PTPRD: variants seen among roughly 807,000 people sequenced by gnomAD.
The protein encoded by PTPRD is receptor-type tyrosine-protein phosphatase delta.
PTPRD carries 34 observed loss-of-function variants against 214.5 expected under a neutral mutation model. That is an observed-to-expected ratio of 0.16 (90% CI 0.12 to 0.21). PTPRD has a LOEUF of 0.21. Ranked by LOEUF, PTPRD falls within the 10% of genes least tolerant of loss-of-function variation. The pLI is 1.00. For missense variants in PTPRD, 2,545 were observed against 2,398.7 expected (o/e 1.06, Z -1.27); for synonymous variants, 1,128 against 845.7 (o/e 1.33, Z -5.79).
intron 7 of PTPRD, among the ~76,000 whole-genome samples, chr9:9,610,358 A>G (rs138325792): frequency 6.6e-6 from 1 of 152,334 alleles, no homozygotes; most frequent in East Asian, 1.9e-4. Context: ...ATTAGTATTG[A>G]GTTATATTAT....
chr9:10,396,882 T>C (rs182086020), intron 2 of PTPRD, among the ~76,000 whole-genome samples: 113 of 152,074 alleles, frequency 7.4e-4, no homozygotes, highest in Admixed American at 9.2e-4. Flanking sequence ...CAAAATTACA[T>C]AGCTAACACT....
chr9:8,321,493 A>G (rs1302643884), intron 44 of PTPRD, among the ~76,000 whole-genome samples: 43 of 70,556 alleles, frequency 6.1e-4, no homozygotes, highest in East Asian at 2.2e-3. Flanking sequence ...GTGTGTATAT[A>G]TATATATATA....
chr9:10,518,219 T>C (rs1197575507), intron 2 of PTPRD, among the ~76,000 whole-genome samples: 1 of 152,192 alleles, frequency 6.6e-6, no homozygotes, highest in African/African-American at 2.4e-5. Flanking sequence ...AATTTTATGT[T>C]TTTTTAAATG....
At chr9:9,097,116 G>C (rs1003375121) in intron 10 of PTPRD, among the ~76,000 whole-genome samples, 2 of 152,130 alleles carry the variant, frequency 1.3e-5, no homozygotes, top group African/African-American at 4.8e-5. Flanking sequence ...TACAAGCAGG[G>C]CAACAGTTAG....
chr9:10,530,614 AG>A lies in PTPRD; in HGVS notation c.-600+81783del, dbSNP rs1376844776. ...GCAATAGTGAGCTGTGTGTGAACAT[AG>A]CATAGAGCTCAGGAAATGATGGGAC... On this transcript the variant is annotated intron_variant, in intron 2 of 45. Coordinates refer to ENST00000381196, the MANE Select transcript of PTPRD (RefSeq NM_002839.4). Among the ~76,000 whole-genome samples the A allele has an allele frequency of 2.0e-5, 3 of 152,284 alleles. No homozygotes were observed. The East Asian group carries it at 5.8e-4, about 29-fold the overall frequency.
At chr9:8,951,830 G>C (rs1331669082) in intron 11 of PTPRD, among the ~76,000 whole-genome samples, 1 of 151,898 alleles carries the variant, frequency 6.6e-6, no homozygotes, top group East Asian at 1.9e-4. Context: ...CATTTGTCCT[G>C]CACTCTCCAT....
intron 9 of PTPRD, among the ~76,000 whole-genome samples, chr9:9,352,316 TA>T: frequency 9.5e-6 from 1 of 105,474 alleles, no homozygotes; most frequent in African/African-American, 2.9e-5. Flanking sequence ...AAACCATATA[TA>T]TATATATATA....
chr9:8,649,783 T>G (rs2096768781), intron 12 of PTPRD, among the ~76,000 whole-genome samples: 1 of 152,244 alleles, frequency 6.6e-6, no homozygotes, highest in Non-Finnish European at 1.5e-5. Flanking sequence ...AAGTCTATAA[T>G]TAATATTAAC....
intron 7 of PTPRD, among the ~76,000 whole-genome samples, chr9:9,623,275 T>C (rs1437112465): frequency 6.6e-6 from 1 of 152,200 alleles, no homozygotes; most frequent in Non-Finnish European, 1.5e-5. Flanking sequence ...TTCTTTCAGT[T>C]TTGCACAATG....
At chr9:9,819,417 G>A (rs547961281) in intron 5 of PTPRD, among the ~76,000 whole-genome samples, 122 of 152,276 alleles carry the variant, frequency 8.0e-4, no homozygotes, top group African/African-American at 2.9e-3. Context: ...TTCACCTTTG[G>A]TTTAAGGACA....
chr9:9,932,189 C>G (rs986987710), intron 5 of PTPRD, among the ~76,000 whole-genome samples: 1 of 150,774 alleles, frequency 6.6e-6, no homozygotes, highest in South Asian at 2.1e-4. Flanking sequence ...TCCAAAGGAA[C>G]GCAGTTCCTC....
chr9:10,023,063 TTA>T (rs1225590684), intron 4 of PTPRD, among the ~76,000 whole-genome samples: 3 of 152,198 alleles, frequency 2.0e-5, no homozygotes, highest in African/African-American at 7.2e-5. Context: ...TTACCTATTT[TTA>T]TATGTATACT....
intron 10 of PTPRD, among the ~76,000 whole-genome samples, chr9:9,087,386 G>C (rs1301579975): frequency 2.6e-5 from 4 of 152,012 alleles, no homozygotes; most frequent in Non-Finnish European, 4.4e-5. Context: ...TTTTTCAGTG[G>C]TTTACCGATA....
chr9:8,402,471 C>A (rs777665050), intron 36 of PTPRD, among the ~76,000 whole-genome samples: 4 of 152,046 alleles, frequency 2.6e-5, no homozygotes, highest in African/African-American at 9.7e-5. Context: ...ATTGAATGAC[C>A]TAATTCTTAG....
At chr9:9,318,224 C>CAAA (rs74895016) in intron 9 of PTPRD, among the ~76,000 whole-genome samples, 58 of 127,070 alleles carry the variant, frequency 4.6e-4, no homozygotes, top group East Asian at 2.9e-3. Flanking sequence ...AACAAAAAAC[C>CAAA]AAAAAAAAAA....
chr9:9,929,386 C>G (rs2085542014), intron 5 of PTPRD, among the ~76,000 whole-genome samples: 1 of 152,032 alleles, frequency 6.6e-6, no homozygotes, highest in Admixed American at 6.5e-5. Context: ...TGGGGAGGGC[C>G]AGAAGAGAAA....
intron 4 of PTPRD, among the ~76,000 whole-genome samples, chr9:9,947,939 A>G (rs1450938133): frequency 6.6e-6 from 1 of 151,728 alleles, no homozygotes; most frequent in East Asian, 1.9e-4. Context: ...AGGGAACTTC[A>G]TTTGTCTAGA....
At chr9:9,798,421 G>A (rs2099017715) in intron 5 of PTPRD, among the ~76,000 whole-genome samples, 1 of 152,120 alleles carries the variant, frequency 6.6e-6, no homozygotes, top group African/African-American at 2.4e-5. Context: ...GATCTAATGG[G>A]AATAAATTGG....
intron 6 of PTPRD, among the ~76,000 whole-genome samples, chr9:9,738,600 CCTGA>C (rs1480029094): frequency 3.3e-5 from 5 of 151,814 alleles, no homozygotes; most frequent in South Asian, 2.1e-4. Flanking sequence ...CACCATCACG[CCTGA>C]CTAATTTTTG....
Sources: allele counts gnomAD v4.1 joint callset (sites outside exome capture counted in the v4.1 genomes callset), GRCh38; gene constraint gnomAD v4.1.1; transcripts MANE v1.5; gene names NCBI Gene and HGNC (gene_info 2026-07-23, HGNC 2026-07-21).